Variants in MCOLN2 observed in about 807,000 individuals in gnomAD.
MCOLN2 encodes mucolipin-2.
MCOLN2 carries 57 observed loss-of-function variants against 67.5 expected under a neutral mutation model. The ratio of observed to expected loss-of-function variants is 0.84; its 90% confidence interval spans 0.68 to 1.05. The LOEUF (loss-of-function observed/expected upper bound fraction) is 1.05. MCOLN2 is among the 50% of genes least tolerant of loss of function. MCOLN2 has a pLI of 0.00. For missense variants in MCOLN2, 620 were observed against 678.8 expected, an observed-to-expected ratio of 0.91 and a Z score of 0.96; for synonymous variants, 246 against 233.3, an observed-to-expected ratio of 1.05 and a Z score of -0.50.
At chr1:84,947,305 AC>A (rs953197476) in intron 6 of MCOLN2, among the ~76,000 whole-genome samples, 173 bp from the exon 7 acceptor site, 7 of 138,938 alleles carry the variant, frequency 5.0e-5, no homozygotes, top group African/African-American at 2.3e-4. Flanking sequence ...TGCACCCCCC[AC>A]CACACACACA....
chr1:84,949,557 C>T (rs976591430), intron 6 of MCOLN2, among the ~76,000 whole-genome samples: 3 of 152,228 alleles, frequency 2.0e-5, no homozygotes, highest in Admixed American at 1.3e-4. Context: ...AGGAGAATGG[C>T]GTGAACCTGG....
At chr1:84,951,879 C>T (rs1648497091) in intron 6 of MCOLN2, among the ~76,000 whole-genome samples, 1 of 152,104 alleles carries the variant, frequency 6.6e-6, no homozygotes, top group Non-Finnish European at 1.5e-5. Flanking sequence ...TCGAGACCAG[C>T]CTGGCCAACA....
At position 84,939,911 on chromosome 1, in the gene MCOLN2, T is replaced by G. The variant is rs12064188; in HGVS notation, c.961-209A>C. Among the ~76,000 whole-genome samples, 1,094 of 152,238 alleles carry G rather than the reference T, an allele frequency of 7.2e-3. 13 individuals carry two copies. The highest frequency in any genetic ancestry group is 0.024 in the African/African-American group (996 of 41,524). On this transcript the variant is annotated intron_variant, in intron 8 of 13. Coordinates refer to ENST00000370608, the MANE Select transcript of MCOLN2 (RefSeq NM_153259.4). The stretch of plus-strand genomic sequence containing the variant: ...ATTGTCTGTGAAGTTACCTCAAATA[T>G]GAAATACGTACGCGGTAACTCCAGC...
chr1:84,937,615 AG>A (rs2097925352), intron 11 of MCOLN2, 139 bp downstream of exon 11: 1 of 1,438,546 alleles, frequency 7.0e-7, no homozygotes, highest in Non-Finnish European at 9.1e-7. Flanking sequence ...AAAAAGAAAA[AG>A]AAAACTGATA....
chr1:84,954,854 A>T (rs1648694825), intron 4 of MCOLN2, among the ~76,000 whole-genome samples: 1 of 152,234 alleles, frequency 6.6e-6, no homozygotes. Context: ...CTAGTGGGGG[A>T]GATAACAGTA....
chr1:84,974,405 G>A (rs1294510902), intron 1 of MCOLN2, among the ~76,000 whole-genome samples: 1 of 151,514 alleles, frequency 6.6e-6, no homozygotes, highest in Non-Finnish European at 1.5e-5. Context: ...GAGGAGAGGA[G>A]AAAGAAGAGT....
chr1:84,926,772 T>A (rs773590804), intron 13 of MCOLN2, 51 bp from the exon 14 acceptor site: 5 of 1,415,018 alleles, frequency 3.5e-6, no homozygotes, highest in Non-Finnish European at 4.9e-6. Flanking sequence ...TACTTTAACA[T>A]CTTTGAGGAG....
chr1:84,954,728 C>T (rs1364502092), intron 4 of MCOLN2, among the ~76,000 whole-genome samples: 1 of 152,190 alleles, frequency 6.6e-6, no homozygotes, highest in East Asian at 1.9e-4. Flanking sequence ...AGGCTCCATA[C>T]CCAACTCATT....
chr1:84,955,005 C>A lies in MCOLN2; in HGVS notation c.565+1426G>T, dbSNP rs544014308. 5.3e-5 allele frequency among the ~76,000 whole-genome samples: 8 copies of A among 152,298 alleles called. No homozygotes were observed. In the East Asian group the frequency reaches 1.5e-3, roughly 29 times the overall value. On this transcript the variant is annotated intron_variant, in intron 4 of 13. Transcript: ENST00000370608. ...TGAATTGTAGTTTCCATAATCCCCACATGTTGTGAGAGGGACCCAGTAGGA... is the reference window on the plus strand; with the variant it reads ...TGAATTGTAGTTTCCATAATCCCCAAATGTTGTGAGAGGGACCCAGTAGGA...
At position 84,940,815 on chromosome 1, in the gene MCOLN2, A is replaced by G; in HGVS notation, c.960+64T>C. ...GGCAGGTGCACAATATCGGTGGTCC[A>G]CTGCTTGGGCAAACTGAGGGCGCAG... On this transcript the variant is annotated intron_variant, in intron 8 of 13. Transcript: ENST00000370608. The G allele has an allele frequency of 2.8e-6, 3 of 1,084,780 alleles. No homozygotes were observed. In the South Asian group the frequency reaches 4.5e-5, roughly 16 times the overall value. 67.2% of individuals were successfully genotyped at this position (1,084,780 alleles called of 1,614,324 possible). A position where few individuals can be genotyped will look rare whatever the true frequency, so the allele number is the denominator to read the frequency against.
At chr1:84,991,408 G>A (rs1214872059) in intron 1 of MCOLN2, among the ~76,000 whole-genome samples, 2 of 152,146 alleles carry the variant, frequency 1.3e-5, no homozygotes, top group African/African-American at 2.4e-5. Context: ...CTCGTGATCT[G>A]CTAGTCTCAC....
chr1:84,977,827 G>C (rs1650069422), intron 1 of MCOLN2, among the ~76,000 whole-genome samples: 1 of 152,220 alleles, frequency 6.6e-6, no homozygotes, highest in East Asian at 1.9e-4. Context: ...GCATTAGATA[G>C]ATCTTCCATA....
chr1:84,932,172 A>T (rs904281912), intron 11 of MCOLN2, among the ~76,000 whole-genome samples: 3 of 152,046 alleles, frequency 2.0e-5, no homozygotes, highest in African/African-American at 7.2e-5. Context: ...CCTAATTAAC[A>T]TAAGCATCTT....
Position 84,991,101 on chromosome 1 carries a change from T to C in MCOLN2, c.77+5695A>G, listed in dbSNP as rs149065072. Among the ~76,000 whole-genome samples, 300 of 152,310 alleles carry C rather than the reference T, an allele frequency of 2.0e-3. 1 individual carries two copies. Among genetic ancestry groups the C allele is most frequent in the Non-Finnish European group, 3.5e-3 (236 of 68,022 alleles). On this transcript the variant is annotated intron_variant, in intron 1 of 13. Coordinates refer to ENST00000370608, the MANE Select transcript of MCOLN2 (RefSeq NM_153259.4). ...TCCATATTTTTTTCATTTTTGGTGGTTAACGTATGAATTCTTGAGTTATTA... is the reference window on the plus strand; with the variant it reads ...TCCATATTTTTTTCATTTTTGGTGGCTAACGTATGAATTCTTGAGTTATTA...
intron 1 of MCOLN2, 150 bp downstream of exon 1, chr1:84,996,646 C>T: frequency 1.5e-6 from 1 of 653,986 alleles, no homozygotes; most frequent in Non-Finnish European, 2.6e-6. Flanking sequence ...TTCTGGAAGG[C>T]ACAGCCTAGC....
At chr1:84,986,733 C>T (rs915589157) in intron 1 of MCOLN2, among the ~76,000 whole-genome samples, 2 of 151,790 alleles carry the variant, frequency 1.3e-5, no homozygotes, top group Non-Finnish European at 2.9e-5. Context: ...CATGAATAGA[C>T]AATTCTCAAA....
intron 13 of MCOLN2, among the ~76,000 whole-genome samples, chr1:84,927,227 A>G (rs1332003555): frequency 6.6e-6 from 1 of 151,542 alleles, no homozygotes; most frequent in Non-Finnish European, 1.5e-5. Flanking sequence ...AGAAAAATAT[A>G]TGTTACATTT....
chr1:84,930,137 C>T (rs1326199483), intron 12 of MCOLN2, among the ~76,000 whole-genome samples: 1 of 151,944 alleles, frequency 6.6e-6, no homozygotes, highest in African/African-American at 2.4e-5. Context: ...GTGGTGTGCA[C>T]CTGTAGTCCC....
intron 1 of MCOLN2, among the ~76,000 whole-genome samples, chr1:84,982,085 T>A (rs1650286536): frequency 6.6e-6 from 1 of 151,264 alleles, no homozygotes. Flanking sequence ...TTTTTTTTTT[T>A]TTAAAAAAAA....
Sources: allele counts gnomAD v4.1 joint callset (sites outside exome capture counted in the v4.1 genomes callset), GRCh38; gene constraint gnomAD v4.1.1; transcripts MANE v1.5; gene names NCBI Gene and HGNC (gene_info 2026-07-23, HGNC 2026-07-21).